CCDC85A: variants seen among roughly 807,000 people sequenced by gnomAD.
The protein encoded by CCDC85A is coiled-coil domain-containing protein 85A.
Under a neutral mutation model 50.2 loss-of-function variants are expected in CCDC85A, and 38 were observed. The ratio of observed to expected loss-of-function variants is 0.76; its 90% CI spans 0.58 to 0.99. The LOEUF (loss-of-function observed/expected upper bound fraction) is 0.99, where lower values mean the gene tolerates loss of function less well. Among genes scored for constraint, CCDC85A ranks in the 50% least tolerant of loss-of-function variants. CCDC85A has a pLI of 0.00. For synonymous variants in CCDC85A, 366 were observed against 301.4 expected, an observed-to-expected ratio of 1.21 and a Z score of -2.22; for missense variants, 820 against 742.0, an observed-to-expected ratio of 1.11 and a Z score of -1.22.
intron 1 of CCDC85A, among the ~76,000 whole-genome samples, chr2:56,189,213 G>T (rs1433596080): frequency 6.6e-6 from 1 of 151,990 alleles, no homozygotes; most frequent in Non-Finnish European, 1.5e-5. Context: ...CCTGGCTGAG[G>T]GTCTTATTCA....
chr2:56,282,578 C>T (rs13421888), intron 2 of CCDC85A, among the ~76,000 whole-genome samples: 13,187 of 152,238 alleles, frequency 0.087, 1,866 homozygotes, highest in African/African-American at 0.3. Context: ...GGCGCGATCT[C>T]GGCTCACCGC....
intron 2 of CCDC85A, among the ~76,000 whole-genome samples, chr2:56,318,252 G>A (rs138889711): frequency 1.1e-4 from 16 of 152,056 alleles, no homozygotes; most frequent in African/African-American, 2.7e-4. Context: ...GACACTCTGC[G>A]TGACTTTTCT....
chr2:56,294,993 C>T (rs1404530731), intron 2 of CCDC85A, among the ~76,000 whole-genome samples: 1 of 152,124 alleles, frequency 6.6e-6, no homozygotes, highest in African/African-American at 2.4e-5. Context: ...GAACTAAAGT[C>T]ATTGAATTGT....
chr2:56,315,597 C>T (rs1361380130), intron 2 of CCDC85A, among the ~76,000 whole-genome samples: 4 of 152,060 alleles, frequency 2.6e-5, no homozygotes, highest in Non-Finnish European at 5.9e-5. Flanking sequence ...CAGTGTTAAT[C>T]TGTATGCTAT....
At chr2:56,222,987 A>G (rs1302457887) in intron 2 of CCDC85A, among the ~76,000 whole-genome samples, 1 of 152,124 alleles carries the variant, frequency 6.6e-6, no homozygotes, top group Non-Finnish European at 1.5e-5. Context: ...TTGATTTATC[A>G]TGTTGATTCC....
chr2:56,264,868 C>T (rs1410785381), intron 2 of CCDC85A, among the ~76,000 whole-genome samples: 1 of 152,174 alleles, frequency 6.6e-6, no homozygotes, highest in East Asian at 1.9e-4. Context: ...ACGAAGTAGG[C>T]CCTTGCATGT....
At chr2:56,292,341 C>A (rs535596039) in intron 2 of CCDC85A, among the ~76,000 whole-genome samples, 59 of 152,282 alleles carry the variant, frequency 3.9e-4, no homozygotes, top group African/African-American at 1.4e-3. Flanking sequence ...CCTCGGCCTC[C>A]CAAAGTGCTG....
intron 2 of CCDC85A, among the ~76,000 whole-genome samples, chr2:56,301,226 GGT>G (rs1465099643): frequency 2.6e-5 from 4 of 152,030 alleles, no homozygotes; most frequent in Non-Finnish European, 5.9e-5. Context: ...ATCACTCAGT[GGT>G]CACTAAATAT....
At position 56,356,743 on chromosome 2, in the gene CCDC85A, A is replaced by G. The variant is rs181549487; in HGVS notation, c.1317+13788A>G. ...TTTCCATCTCAAGGAAAAAAAAAAA[A>G]AAAAGAAAAGGACTTCGGAGAGGTC... is the stretch of plus-strand genomic sequence containing the variant. On this transcript the variant is annotated intron_variant, in intron 3 of 5. Transcript: ENST00000407595. Among the ~76,000 whole-genome samples the G allele has an allele frequency of 1.9e-3, 291 of 151,528 alleles. 1 individual carries two copies. Among genetic ancestry groups the G allele is most frequent in the African/African-American group, 6.4e-3 (265 of 41,370 alleles).
At chr2:56,188,327 A>G (rs1238157951) in intron 1 of CCDC85A, among the ~76,000 whole-genome samples, 1 of 152,220 alleles carries the variant, frequency 6.6e-6, no homozygotes, top group African/African-American at 2.4e-5. Flanking sequence ...TAATAGAAAG[A>G]GGGAACTGTG....
chr2:56,335,458 G>T (rs1674025571), intron 2 of CCDC85A, among the ~76,000 whole-genome samples: 1 of 152,114 alleles, frequency 6.6e-6, no homozygotes, highest in Non-Finnish European at 1.5e-5. Context: ...ACCACAGACT[G>T]GGTGATTTAT....
At chr2:56,246,206 G>A (rs1315365945) in intron 2 of CCDC85A, among the ~76,000 whole-genome samples, 5 of 152,160 alleles carry the variant, frequency 3.3e-5, no homozygotes, top group Non-Finnish European at 5.9e-5. Context: ...TTATAGGAGT[G>A]AGCCACCACG....
At chr2:56,236,891 G>A (rs1450090459) in intron 2 of CCDC85A, among the ~76,000 whole-genome samples, 1 of 152,114 alleles carries the variant, frequency 6.6e-6, no homozygotes, top group Non-Finnish European at 1.5e-5. Flanking sequence ...AAAGGTATTA[G>A]ATTGTCTTTC....
chr2:56,204,195 TAGA>T (rs1236049227), intron 2 of CCDC85A, among the ~76,000 whole-genome samples: 1 of 152,204 alleles, frequency 6.6e-6, no homozygotes, highest in Non-Finnish European at 1.5e-5. Context: ...CATAATTTCA[TAGA>T]AGAAGATCCT....
intron 2 of CCDC85A, among the ~76,000 whole-genome samples, chr2:56,302,198 G>T (rs141977021): frequency 0.02 from 2,978 of 152,268 alleles, 102 homozygotes; most frequent in African/African-American, 0.066. Flanking sequence ...AGAGGTTGCA[G>T]TGAGCTGAGA....
chr2:56,358,193 A>G (rs907103756), intron 3 of CCDC85A, among the ~76,000 whole-genome samples: 2 of 152,184 alleles, frequency 1.3e-5, no homozygotes, highest in Non-Finnish European at 2.9e-5. Context: ...TCTGCGTAGT[A>G]TTGGGGTCTG....
chr2:56,230,497 G>C (rs1043182903), intron 2 of CCDC85A, among the ~76,000 whole-genome samples: 2 of 152,108 alleles, frequency 1.3e-5, no homozygotes, highest in African/African-American at 4.8e-5. Flanking sequence ...AAACTACAGA[G>C]GCCAGGTTAT....
intron 2 of CCDC85A, among the ~76,000 whole-genome samples, chr2:56,319,524 C>T (rs780995037): frequency 2.2e-4 from 33 of 152,034 alleles, no homozygotes; most frequent in Admixed American, 3.9e-4. Context: ...ATAAATGTTT[C>T]GCACTCTTTT....
intron 2 of CCDC85A, among the ~76,000 whole-genome samples, chr2:56,242,361 T>G (rs189584173): frequency 4.4e-4 from 67 of 152,216 alleles, no homozygotes; most frequent in African/African-American, 1.4e-3. Context: ...TGTGCTTGCA[T>G]CTGCTTGGTT....
Sources: gnomAD v4.1 joint callset for allele counts (sites outside exome capture counted in the v4.1 genomes callset) on GRCh38, gnomAD v4.1.1 for gene constraint, MANE v1.5 for transcripts, NCBI Gene and HGNC (gene_info 2026-07-23, HGNC 2026-07-21) for gene names.